Variants in RIT2 observed in about 807,000 individuals in gnomAD.
RIT2 encodes the protein GTP-binding protein Rit2.
RIT2 carries 24 observed loss-of-function variants against 23.7 expected under a neutral mutation model. That is an observed-to-expected ratio of 1.01 (90% CI 0.73 to 1.43). The LOEUF (loss-of-function observed/expected upper bound fraction) is 1.43. Ranked by LOEUF, RIT2 falls within the 40% of genes most tolerant of loss-of-function variation. The pLI, the probability that RIT2 is intolerant of heterozygous loss-of-function variation, is 0.00. For missense variants in RIT2, 236 were observed against 266.9 expected (o/e 0.88, Z 0.81); for synonymous variants, 107 against 91.1 (o/e 1.17, Z -0.99).
At chr18:43,105,633 T>C (rs1832481593) in intron 1 of RIT2, among the ~76,000 whole-genome samples, 2 of 152,174 alleles carry the variant, frequency 1.3e-5, no homozygotes, top group Admixed American at 6.5e-5. Context: ...ATTAAAGCCC[T>C]TAATGAGGAA....
intron 4 of RIT2, among the ~76,000 whole-genome samples, chr18:42,803,859 C>T (rs1457536840): frequency 6.6e-6 from 1 of 152,122 alleles, no homozygotes; most frequent in Non-Finnish European, 1.5e-5. Context: ...AATATGTTTC[C>T]TCTTTAAGAA....
At chr18:43,093,555 C>A (rs562899929) in intron 1 of RIT2, among the ~76,000 whole-genome samples, 1 of 152,032 alleles carries the variant, frequency 6.6e-6, no homozygotes, top group South Asian at 2.1e-4. Flanking sequence ...CCAAAACAGC[C>A]ACATTTAAGT....
intron 2 of RIT2, among the ~76,000 whole-genome samples, chr18:43,018,552 A>C (rs569018884): frequency 6.6e-6 from 1 of 151,896 alleles, no homozygotes; most frequent in Non-Finnish European, 1.5e-5. Context: ...ATAGAAGGGA[A>C]CCCCCATCAG....
rs1265007760 is a variant in RIT2, at chr18:43,013,469, C to G, written c.160+20342G>C. Among the ~76,000 whole-genome samples the G allele has an allele frequency of 4.6e-5, 7 of 151,784 alleles. No homozygotes were observed. The East Asian group carries it at 1.2e-3, about 25-fold the overall frequency. On this transcript the variant is annotated intron_variant, in intron 2 of 4. Transcript: ENST00000326695. ...GAGAATGTTGAACTTTCATTATACG[C>G]TGACAAAATATATTTATCCTAGTAT...
At chr18:42,832,779 G>A (rs193295086) in intron 4 of RIT2, among the ~76,000 whole-genome samples, 369 of 152,192 alleles carry the variant, frequency 2.4e-3, no homozygotes, top group Admixed American at 3.7e-3. Context: ...CTGGCTGGGT[G>A]CAGTGGCTCA....
chr18:43,104,049 G>T (rs1383319304), intron 1 of RIT2, among the ~76,000 whole-genome samples: 1 of 152,124 alleles, frequency 6.6e-6, no homozygotes, highest in Non-Finnish European at 1.5e-5. Flanking sequence ...CCCATCAACA[G>T]ATAAATGGAT....
chr18:43,097,298 G>A (rs1390175534), intron 1 of RIT2, among the ~76,000 whole-genome samples: 1 of 151,830 alleles, frequency 6.6e-6, no homozygotes, highest in Admixed American at 6.6e-5. Flanking sequence ...AGAGTATAGA[G>A]CATATAAAAC....
rs141579771 is a variant in RIT2 at position 42,764,152 on chromosome 18, C to T, written c.427-20432G>A. Among the ~76,000 whole-genome samples, 1,084 of 152,308 alleles carry T rather than the reference C, an allele frequency of 7.1e-3. 5 individuals are homozygous for T. The highest frequency in any genetic ancestry group is 0.01 in the Middle Eastern group (3 of 294). The stretch of plus-strand genomic sequence containing the variant: ...ACAGAACTCAGAAATGACTGTTACA[C>T]ATGAGTTTCATTCCAAAGGAGATAA... On this transcript the variant is annotated intron_variant, in intron 4 of 4. Transcript: ENST00000326695.
At chr18:42,870,398 G>A (rs934724487) in intron 4 of RIT2, among the ~76,000 whole-genome samples, 4 of 151,880 alleles carry the variant, frequency 2.6e-5, no homozygotes, top group Non-Finnish European at 5.9e-5. Flanking sequence ...ATGCAACCAC[G>A]CCTGGCTAAT....
intron 1 of RIT2, among the ~76,000 whole-genome samples, chr18:43,058,249 T>C (rs547872759): frequency 1.3e-5 from 2 of 152,184 alleles, no homozygotes; most frequent in African/African-American, 4.8e-5. Flanking sequence ...GATACAAAAA[T>C]TACCTTTGAA....
chr18:42,864,448 T>C (rs1003497750), intron 4 of RIT2, among the ~76,000 whole-genome samples: 37 of 152,206 alleles, frequency 2.4e-4, no homozygotes, highest in African/African-American at 8.4e-4. Context: ...CTCTGCACTC[T>C]GGTGTACTCT....
intron 4 of RIT2, among the ~76,000 whole-genome samples, chr18:42,903,667 T>TA: frequency 6.6e-6 from 1 of 152,196 alleles, no homozygotes; most frequent in South Asian, 2.1e-4. Context: ...AAAAGGATGA[T>TA]AAATCAAGTC....
chr18:43,066,289 A>G (rs1300894475), intron 1 of RIT2, among the ~76,000 whole-genome samples: 1 of 152,202 alleles, frequency 6.6e-6, no homozygotes, highest in African/African-American at 2.4e-5. Context: ...ATGATTTATG[A>G]TTGGCTATTT....
chr18:42,889,801 C>T (rs899848078), intron 4 of RIT2, among the ~76,000 whole-genome samples: 6 of 151,972 alleles, frequency 3.9e-5, no homozygotes, highest in East Asian at 1.9e-4. Context: ...GTGTTGACAA[C>T]GAAGGTTCAG....
chr18:42,817,863 C>T (rs1017986746), intron 4 of RIT2, among the ~76,000 whole-genome samples: 3 of 151,938 alleles, frequency 2.0e-5, no homozygotes, highest in African/African-American at 7.2e-5. Flanking sequence ...ATAGCGCATG[C>T]ACAAAACAAG....
At chr18:43,099,387 C>T (rs79428053) in intron 1 of RIT2, among the ~76,000 whole-genome samples, 16,674 of 151,950 alleles carry the variant, frequency 0.11, 1,242 homozygotes, top group East Asian at 0.37. Context: ...CATTAAGTAA[C>T]GTAAGTTTGC....
chr18:43,059,723 A>G (rs1053377469), intron 1 of RIT2, among the ~76,000 whole-genome samples: 1 of 152,168 alleles, frequency 6.6e-6, no homozygotes, highest in Non-Finnish European at 1.5e-5. Flanking sequence ...ATGAAATGTG[A>G]AATTTCTCCA....
chr18:43,056,264 A>T (rs1912500458), intron 1 of RIT2, among the ~76,000 whole-genome samples: 1 of 152,092 alleles, frequency 6.6e-6, no homozygotes, highest in African/African-American at 2.4e-5. Context: ...TCACTGACAA[A>T]AACAAAGTCC....
At chr18:42,864,379 T>C (rs1415694473) in intron 4 of RIT2, among the ~76,000 whole-genome samples, 1 of 152,224 alleles carries the variant, frequency 6.6e-6, no homozygotes, top group Non-Finnish European at 1.5e-5. Flanking sequence ...AGTCATTTAA[T>C]TAGTCAAGCC....
Sources: allele counts gnomAD v4.1 joint callset (sites outside exome capture counted in the v4.1 genomes callset), GRCh38; gene constraint gnomAD v4.1.1; transcripts MANE v1.5; gene names NCBI Gene and HGNC (gene_info 2026-07-23, HGNC 2026-07-21).